UNC13B: variants seen among roughly 807,000 people sequenced by gnomAD.
The protein encoded by UNC13B is unc-13 homolog B, also known as protein unc-13 homolog B.
A neutral mutation model predicts 211.0 loss-of-function variants in UNC13B; 144 were observed. The observed-to-expected ratio is 0.68, with a 90% CI of 0.60 to 0.78. The LOEUF is 0.78. Ranked by LOEUF, UNC13B falls within the 30% of genes least tolerant of loss-of-function variation. UNC13B has a pLI of 0.00. For missense variants in UNC13B, 1,777 were observed against 2,002.0 expected (o/e 0.89, Z 2.14); for synonymous variants, 709 against 725.8 (o/e 0.98, Z 0.37).
chr9:35,333,965 T>G (rs975221495), intron 11 of UNC13B, among the ~76,000 whole-genome samples: 1 of 61,056 alleles, frequency 1.6e-5, no homozygotes, highest in South Asian at 5.5e-4. Flanking sequence ...TTTTTGTTTG[T>G]TTTTTTTTTT....
intron 15 of UNC13B, among the ~76,000 whole-genome samples, chr9:35,376,612 T>TA (rs1320843146): frequency 6.6e-6 from 1 of 152,118 alleles, no homozygotes; most frequent in African/African-American, 2.4e-5. Flanking sequence ...AGGAAAGAAA[T>TA]AGAGTTTTGT....
chr9:35,171,145 C>T (rs967173068), intron 1 of UNC13B, among the ~76,000 whole-genome samples: 9 of 150,438 alleles, frequency 6.0e-5, no homozygotes, highest in East Asian at 2.0e-4. Context: ...TCTTTTACCC[C>T]GGCTGGAATG....
At position 35,377,565 on chromosome 9, in the gene UNC13B, G is replaced by T. The variant is rs1834509503; in HGVS notation, c.9933G>T (p.Lys3311Asn). The T allele has an allele frequency of 6.2e-7, 1 of 1,614,248 alleles. No homozygotes were observed. Among genetic ancestry groups the T allele is most frequent in the Non-Finnish European group, 8.5e-7 (1 of 1,180,044 alleles). The change falls in exon 16 of 40, where the codon AAG becomes AAT. Residue 3311 changes from lysine (K) to asparagine (N), a missense_variant. Physicochemically the swap from Lys to Asn is moderately conservative, Grantham distance 94. Coordinates refer to ENST00000635942, the MANE Select transcript of UNC13B (RefSeq NM_001371189.2). ...KDRMKIRERN[K>N]PEIFEVIRDV... Reference sequence around the variant, plus strand: ...GCATGAAGATCCGAGAGCGAAATAAGCCAGAGATCTTTGAAGTTATCCGGG... The same window carrying T: ...GCATGAAGATCCGAGAGCGAAATAATCCAGAGATCTTTGAAGTTATCCGGG...
intron 6 of UNC13B, among the ~76,000 whole-genome samples, chr9:35,247,300 C>G (rs942991875): frequency 3.3e-5 from 5 of 152,224 alleles, no homozygotes; most frequent in African/African-American, 1.2e-4. Flanking sequence ...CATCTGCAAA[C>G]AGGGACAATT....
intron 7 of UNC13B, among the ~76,000 whole-genome samples, chr9:35,293,814 C>T (rs1355243903): frequency 6.6e-6 from 1 of 152,202 alleles, no homozygotes; most frequent in Non-Finnish European, 1.5e-5. Flanking sequence ...GGACTACTTG[C>T]TCCAAATGTC....
chr9:35,328,400 A>G (rs755611295), intron 11 of UNC13B, among the ~76,000 whole-genome samples: 19 of 152,196 alleles, frequency 1.2e-4, no homozygotes, highest in Non-Finnish European at 1.2e-4. Context: ...CAGAGCTGCC[A>G]GAAGGATTCA....
At position 35,304,353 on chromosome 9, in the gene UNC13B, G is replaced by C. The variant is rs1263452380; in HGVS notation, c.4949G>C (p.Gly1650Ala). 2.5e-6 allele frequency: 1 copy of C among 398,470 alleles called. No homozygotes were observed. Among genetic ancestry groups the C allele is most frequent in the East Asian group, 3.6e-5 (1 of 28,062 alleles). The allele number at this position is 398,470 out of a possible 1,614,324, so 24.7% of individuals were successfully genotyped here. The part of the protein sequence containing the change: ...DQSDQPLDFS[G>A]YNRQKFKGDF... ...AGCGATCAGCCACTAGATTTTTCAG[G>C]CTATAATCGTCAAAAGTTTAAAGGA... The change falls in exon 9 of 40, where the codon GGC becomes GCC. Residue 1650 changes from glycine to alanine, a missense_variant. Transcript: ENST00000635942.
intron 11 of UNC13B, among the ~76,000 whole-genome samples, chr9:35,343,765 A>G (rs1048757833): frequency 1.3e-5 from 2 of 151,968 alleles, no homozygotes; most frequent in African/African-American, 4.8e-5. Context: ...ATGCTGTCCA[A>G]TGTGGTAGCT....
chr9:35,379,910 A>G (rs553694642), intron 17 of UNC13B, among the ~76,000 whole-genome samples: 3 of 152,320 alleles, frequency 2.0e-5, no homozygotes, highest in Admixed American at 1.3e-4. Flanking sequence ...GACCTGGGAA[A>G]ACTCCTTTCT....
In UNC13B at chr9:35,300,292, A is replaced by G; in HGVS notation, c.888A>G (p.Thr296=). 1 of 398,942 alleles carries G rather than the reference A, an allele frequency of 2.5e-6. No individual in the cohort carries two copies. Among genetic ancestry groups the G allele is most frequent in the East Asian group, 3.6e-5 (1 of 28,068 alleles). 24.7% of individuals were successfully genotyped at this position (398,942 alleles called of 1,614,324 possible). A position where few individuals can be genotyped will look rare whatever the true frequency, so the allele number is the denominator to read the frequency against. Residue 296 remains threonine (T), a synonymous_variant, in exon 9 of 40, where the codon ACA becomes ACG. Transcript: ENST00000635942. ...AAACTAAGACTAACTACAAAAGTAC[A>G]TATTCTAATACTGAAAATTGTACCC... ...RSETKTNYKS[T]YSNTENCTLC... is the part of the protein sequence containing the mutation.
At chr9:35,338,665 G>A (rs1831805570) in intron 11 of UNC13B, among the ~76,000 whole-genome samples, 1 of 152,196 alleles carries the variant, frequency 6.6e-6, no homozygotes, top group African/African-American at 2.4e-5. Context: ...CTCAGCAGTA[G>A]AGAAGGAAAA....
At position 35,306,790 on chromosome 9, in the gene UNC13B, G is replaced by T; in HGVS notation, c.7386G>T (p.Val2462=). The T allele has an allele frequency of 2.5e-6, 1 of 398,982 alleles. No individual in the cohort carries two copies. Among genetic ancestry groups the T allele is most frequent in the South Asian group, 1.3e-4 (1 of 7,798 alleles). 24.7% of individuals were successfully genotyped at this position (398,982 alleles called of 1,614,324 possible). A position where few individuals can be genotyped will look rare whatever the true frequency, so the allele number is the denominator to read the frequency against. The change falls in exon 9 of 40, where the codon GTG becomes GTT. Residue 2462 remains valine, a synonymous_variant. Transcript: ENST00000635942. ...CAGTAGACATGCTTTCAGGGTTTGT[G>T]ACCAAAGTGAAATCTTTCTCTGGGA... ...GSSVDMLSGF[V]TKVKSFSGSL... is the part of the protein sequence containing the mutation.
chr9:35,196,930 C>T (rs2131360677), intron 1 of UNC13B, among the ~76,000 whole-genome samples: 1 of 151,948 alleles, frequency 6.6e-6, no homozygotes, highest in East Asian at 1.9e-4. Context: ...GCCACCATGC[C>T]CAGCTAATTT....
At chr9:35,326,850 G>C (rs558160295) in intron 11 of UNC13B, among the ~76,000 whole-genome samples, 1 of 152,140 alleles carries the variant, frequency 6.6e-6, no homozygotes, top group Non-Finnish European at 1.5e-5. Context: ...CAAAACAGTG[G>C]CTAAGGAGGG....
At chr9:35,352,107 G>A in intron 11 of UNC13B, 3 of 1,232,222 alleles carry the variant, frequency 2.4e-6, no homozygotes, top group Non-Finnish European at 3.0e-6. Context: ...TTACAGGTGA[G>A]CACCTGTTCC....
rs572565027 is a variant in UNC13B, at chr9:35,389,489, G to A, written c.11095-357G>A. On this transcript the variant is annotated intron_variant, in intron 24 of 39. Coordinates refer to ENST00000635942, the MANE Select transcript of UNC13B (RefSeq NM_001371189.2). Reference sequence around the variant, plus strand: ...GGAGGGCTGCCTGCCTGTAGGGGCCGCATAGAAGTAGACCTATTTAGTAAG... The same window carrying A: ...GGAGGGCTGCCTGCCTGTAGGGGCCACATAGAAGTAGACCTATTTAGTAAG... Among the ~76,000 whole-genome samples the A allele has an allele frequency of 1.2e-4, 18 of 152,264 alleles. No homozygotes were observed. The East Asian group carries it at 2.5e-3, about 21-fold the overall frequency.
intron 20 of UNC13B, 56 bp from the exon 21 acceptor site, chr9:35,382,301 G>T (rs1834899187): frequency 1.3e-6 from 2 of 1,558,582 alleles, no homozygotes; most frequent in Non-Finnish European, 1.7e-6. Context: ...GTTCCTGCTT[G>T]GCTTTTGCTG....
intron 11 of UNC13B, among the ~76,000 whole-genome samples, chr9:35,358,690 A>ATTTTTTT (rs918370577): frequency 9.2e-6 from 1 of 108,704 alleles, no homozygotes; most frequent in South Asian, 2.9e-4. Context: ...TAGGTCTATG[A>ATTTTTTT]TTTTTTTTTT....
chr9:35,343,172 C>T (rs1832120676), intron 11 of UNC13B, among the ~76,000 whole-genome samples: 1 of 152,236 alleles, frequency 6.6e-6, no homozygotes, highest in African/African-American at 2.4e-5. Flanking sequence ...CCTCTCTGAG[C>T]TTCATTTTTC....
Sources: allele counts gnomAD v4.1 joint callset (sites outside exome capture counted in the v4.1 genomes callset), GRCh38; gene constraint gnomAD v4.1.1; transcripts MANE v1.5; gene names NCBI Gene and HGNC (gene_info 2026-07-23, HGNC 2026-07-21).